PAM: variants seen among roughly 807,000 people sequenced by gnomAD.
The protein encoded by PAM is peptidylglycine alpha-amidating monooxygenase.
In PAM, 72 loss-of-function variants were observed where a neutral mutation model predicts 122.1. The ratio of observed to expected loss-of-function variants is 0.59; its 90% CI spans 0.49 to 0.72. The LOEUF is 0.72. PAM is among the 30% of genes least tolerant of loss of function. The probability of loss-of-function intolerance (pLI) is 0.00; values close to 1 mark genes in which losing one functional copy is unlikely to be tolerated. For synonymous variants in PAM, 389 were observed against 404.4 expected (o/e 0.96, Z 0.46); for missense variants, 1,106 against 1,183.7 (o/e 0.93, Z 0.96).
chr5:102,875,816 T>A (rs1293640927), intron 3 of PAM, among the ~76,000 whole-genome samples: 2 of 152,222 alleles, frequency 1.3e-5, no homozygotes, highest in African/African-American at 4.8e-5. Flanking sequence ...CTGTGTTTAC[T>A]AGAAGAGGCA....
chr5:102,778,015 C>A (rs1015822633), intron 1 of PAM, among the ~76,000 whole-genome samples: 2 of 152,142 alleles, frequency 1.3e-5, no homozygotes, highest in Non-Finnish European at 2.9e-5. Flanking sequence ...GTGGAAAACA[C>A]CTGAATGGCA....
chr5:102,755,683 C>T (rs2149605079), intron 1 of PAM, among the ~76,000 whole-genome samples: 1 of 152,080 alleles, frequency 6.6e-6, no homozygotes, highest in East Asian at 2.0e-4. Context: ...TCTCCTTGTG[C>T]CCTCTCCCTA....
chr5:103,017,772 T>C (rs1247236959), intron 22 of PAM, among the ~76,000 whole-genome samples: 1 of 152,164 alleles, frequency 6.6e-6, no homozygotes, highest in East Asian at 1.9e-4. Flanking sequence ...TCATTCCCCA[T>C]ATGGCCCTTT....
rs181182255 is a variant in PAM at position 102,969,895 on chromosome 5, G to A, written c.1163-4221G>A. ...CTTAGTAGGAAGAGGCTTTAGCCAG[G>A]GGAAAAATGTTTCAGGGACAGACTT... On this transcript the variant is annotated intron_variant, in intron 14 of 25. Transcript: ENST00000438793. Among the ~76,000 whole-genome samples the A allele has an allele frequency of 4.6e-5, 7 of 152,182 alleles. No homozygotes were observed. In the East Asian group the frequency reaches 1.4e-3, roughly 30 times the overall value.
intron 23 of PAM, among the ~76,000 whole-genome samples, chr5:103,023,955 G>A (rs534151337): frequency 6.4e-4 from 97 of 152,178 alleles, no homozygotes; most frequent in African/African-American, 2.2e-3. Flanking sequence ...CATTTATTTG[G>A]AGGAGTATCC....
At chr5:102,865,092 G>C (rs1045924577) in intron 1 of PAM, among the ~76,000 whole-genome samples, 1 of 151,924 alleles carries the variant, frequency 6.6e-6, no homozygotes, top group Non-Finnish European at 1.5e-5. Context: ...TCCAAACTTA[G>C]GAAAGGATAT....
At chr5:103,000,128 T>C (rs1304123630) in intron 16 of PAM, among the ~76,000 whole-genome samples, 2 of 152,226 alleles carry the variant, frequency 1.3e-5, no homozygotes, top group Non-Finnish European at 2.9e-5. Context: ...TAAAACTGAA[T>C]GCTCTTATGA....
intron 8 of PAM, among the ~76,000 whole-genome samples, chr5:102,947,359 A>T (rs2151949975): frequency 6.6e-6 from 1 of 152,348 alleles, no homozygotes; most frequent in East Asian, 1.9e-4. Context: ...CTAATGTTCA[A>T]AATGGCATAC....
intron 1 of PAM, among the ~76,000 whole-genome samples, chr5:102,777,827 G>A (rs1757583130): frequency 2.0e-5 from 3 of 152,196 alleles, no homozygotes; most frequent in South Asian, 4.1e-4. Flanking sequence ...GGTCATTTAA[G>A]CTATTGTTTT....
At chr5:102,931,875 A>G (rs1204533154) in intron 7 of PAM, among the ~76,000 whole-genome samples, 1 of 151,824 alleles carries the variant, frequency 6.6e-6, no homozygotes, top group Non-Finnish European at 1.5e-5. Flanking sequence ...ACAGCCCTGT[A>G]TGTACACCTG....
At chr5:102,948,871 A>G (rs1182109573) in intron 9 of PAM, among the ~76,000 whole-genome samples, 1 of 152,110 alleles carries the variant, frequency 6.6e-6, no homozygotes, top group African/African-American at 2.4e-5. Flanking sequence ...TTACTTCTCT[A>G]CTTGCAAAAT....
At chr5:102,797,802 A>G (rs775994900) in intron 1 of PAM, among the ~76,000 whole-genome samples, 2 of 152,220 alleles carry the variant, frequency 1.3e-5, no homozygotes, top group African/African-American at 4.8e-5. Context: ...AGTACATGGT[A>G]TTAGCCTTCC....
chr5:103,029,165 A>G lies in PAM; in HGVS notation c.*100A>G, dbSNP rs1274447255. On this transcript the variant is annotated 3_prime_UTR_variant, in exon 26 of 26. Coordinates refer to ENST00000438793, the MANE Select transcript of PAM (RefSeq NM_001177306.2). ...TTCTGTGTATTTAATTGTAAACTGTACTAGTCTGTGTGGGACTGTACACAC... is the reference window on the plus strand; with the variant it reads ...TTCTGTGTATTTAATTGTAAACTGTGCTAGTCTGTGTGGGACTGTACACAC... 4 of 981,866 alleles carry G rather than the reference A, an allele frequency of 4.1e-6. No individual in the cohort carries two copies. The highest frequency in any genetic ancestry group is 3.3e-5 in the African/African-American group (2 of 61,236). 60.8% of individuals were successfully genotyped at this position (981,866 alleles called of 1,614,324 possible).
chr5:102,792,367 T>G (rs1239722239), intron 1 of PAM, among the ~76,000 whole-genome samples: 1 of 152,190 alleles, frequency 6.6e-6, no homozygotes, highest in African/African-American at 2.4e-5. Flanking sequence ...GGAAAGACTA[T>G]GGAGGTTACT....
At chr5:102,943,562 CT>C (rs1294277214) in intron 7 of PAM, among the ~76,000 whole-genome samples, 2 of 151,768 alleles carry the variant, frequency 1.3e-5, no homozygotes, top group African/African-American at 4.8e-5. Flanking sequence ...TTATTTTTGC[CT>C]TTTTTTCTAG....
chr5:102,901,420 A>T lies in PAM; in HGVS notation c.268+7A>T. ...GATGAGGAAGCCTTCGTGAGTAAGT[A>T]TTAATTGGATTGGGGGAGTAGCAGT... On this transcript the variant is annotated splice_region_variant and intron_variant, in intron 4 of 25. Coordinates refer to ENST00000438793, the MANE Select transcript of PAM (RefSeq NM_001177306.2). The T allele has an allele frequency of 6.6e-7, 1 of 1,503,850 alleles. No individual in the cohort carries two copies. The highest frequency in any genetic ancestry group is 9.2e-7 in the Non-Finnish European group (1 of 1,081,238). The allele number at this position is 1,503,850 out of a possible 1,614,324, so 93.2% of individuals were successfully genotyped here.
chr5:102,808,602 G>A (rs1456089654), intron 1 of PAM, among the ~76,000 whole-genome samples: 1 of 152,174 alleles, frequency 6.6e-6, no homozygotes, highest in Non-Finnish European at 1.5e-5. Flanking sequence ...TAAGTATATT[G>A]TATTGGCATT....
At chr5:102,918,249 CT>C (rs544136928) in intron 5 of PAM, among the ~76,000 whole-genome samples, 345 of 152,294 alleles carry the variant, frequency 2.3e-3, no homozygotes, top group Admixed American at 4.3e-3. Flanking sequence ...TTAACCCTAT[CT>C]AGGGACCAAA....
At chr5:102,979,030 TCACACACACA>T (rs10578523) in intron 15 of PAM, among the ~76,000 whole-genome samples, 3 of 147,918 alleles carry the variant, frequency 2.0e-5, no homozygotes, top group South Asian at 2.2e-4. Context: ...TTATTCTGCA[TCACACACACA>T]CACACACACA....
Sources: gnomAD v4.1 joint callset for allele counts (sites outside exome capture counted in the v4.1 genomes callset) on GRCh38, gnomAD v4.1.1 for gene constraint, MANE v1.5 for transcripts, NCBI Gene and HGNC (gene_info 2026-07-23, HGNC 2026-07-21) for gene names.